ERG: variants seen among roughly 807,000 people sequenced by gnomAD.
ERG encodes transcriptional regulator ERG.
In ERG, 9 loss-of-function variants were observed where a neutral mutation model predicts 55.3. The ratio of observed to expected loss-of-function variants is 0.16; its 90% CI spans 0.10 to 0.28. The LOEUF is 0.28. Ranked by LOEUF, ERG falls within the 10% of genes least tolerant of loss-of-function variation. The pLI is 1.00. For missense variants in ERG, 434 were observed against 631.6 expected (o/e 0.69, Z 3.35); for synonymous variants, 223 against 237.3 (o/e 0.94, Z 0.55).
At chr21:38,423,608 A>G (rs938071073) in intron 2 of ERG, 47 bp from the exon 3 acceptor site, 4 of 1,560,794 alleles carry the variant, frequency 2.6e-6, no homozygotes, top group African/African-American at 2.7e-5. Flanking sequence ...ATCAAAGAGC[A>G]TGTCTCCATC....
chr21:38,657,999 C>T lies in ERG; in HGVS notation c.-150+3659G>A, dbSNP rs146816737. Among the ~76,000 whole-genome samples, 62 of 152,280 alleles carry T rather than the reference C, an allele frequency of 4.1e-4. 1 individual carries two copies. In the East Asian group the frequency reaches 0.012, roughly 29 times the overall value. On this transcript the variant is annotated intron_variant, in intron 1 of 10. Transcript: ENST00000398910. ...GATCTGAACGTCCCTGTTACATCAG[C>T]CTATTTTTCTTACAAATGTTGCTGC...
intron 1 of ERG, among the ~76,000 whole-genome samples, chr21:38,578,154 C>G (rs2060006379): frequency 1.3e-5 from 2 of 152,202 alleles, no homozygotes; most frequent in Admixed American, 6.5e-5. Flanking sequence ...TGACCACGGC[C>G]CCTGCCGACA....
upstream of ERG, chr21:38,661,766 C>T (rs1169926063): frequency 6.6e-6 from 1 of 152,226 alleles, no homozygotes; most frequent in African/African-American, 2.4e-5. Flanking sequence ...CTCCCCATTC[C>T]GACCAAGTGA....
At chr21:38,646,796 T>C (rs2060459595) in intron 1 of ERG, among the ~76,000 whole-genome samples, 1 of 135,190 alleles carries the variant, frequency 7.4e-6, no homozygotes, top group African/African-American at 3.9e-5. Context: ...TTTGTTGTTG[T>C]TGTTTGTTTT....
chr21:38,414,357 A>T (rs1483343821), intron 3 of ERG, among the ~76,000 whole-genome samples: 1 of 152,190 alleles, frequency 6.6e-6, no homozygotes. Flanking sequence ...TTTCCACATA[A>T]GGTCACATTC....
intron 1 of ERG, among the ~76,000 whole-genome samples, chr21:38,603,749 T>C (rs1181502062): frequency 1.3e-5 from 2 of 151,956 alleles, no homozygotes; most frequent in African/African-American, 2.4e-5. Context: ...CTTAGAAAAA[T>C]AGGAGGAAAG....
chr21:38,629,908 A>T (rs1028209163), intron 1 of ERG, among the ~76,000 whole-genome samples: 1 of 152,224 alleles, frequency 6.6e-6, no homozygotes, highest in Non-Finnish European at 1.5e-5. Flanking sequence ...ATACACGGGC[A>T]TATTACTCAG....
chr21:38,455,566 T>C (rs939662504), intron 1 of ERG, among the ~76,000 whole-genome samples: 23 of 152,266 alleles, frequency 1.5e-4, no homozygotes, highest in African/African-American at 4.6e-4. Context: ...AAAAATACAG[T>C]GTGCTACGCA....
downstream of ERG, among the ~76,000 whole-genome samples, chr21:38,379,406 T>C (rs931798567): frequency 6.6e-6 from 1 of 152,262 alleles, no homozygotes; most frequent in Non-Finnish European, 1.5e-5. Flanking sequence ...CAGATTGTTT[T>C]ATGAAGTCAT....
chr21:38,523,582 C>T (rs2059610039), intron 2 of ERG, among the ~76,000 whole-genome samples: 1 of 152,202 alleles, frequency 6.6e-6, no homozygotes, highest in East Asian at 1.9e-4. Flanking sequence ...TAAGCTCCCA[C>T]CCCTGATGAA....
At chr21:38,512,858 C>A (rs559366988) in intron 2 of ERG, among the ~76,000 whole-genome samples, 3 of 152,076 alleles carry the variant, frequency 2.0e-5, no homozygotes, top group Non-Finnish European at 4.4e-5. Flanking sequence ...ACGGGCCAGG[C>A]GCAGTGGCTC....
chr21:38,543,047 C>T (rs1036708326), intron 2 of ERG, among the ~76,000 whole-genome samples: 4 of 152,130 alleles, frequency 2.6e-5, no homozygotes, highest in African/African-American at 9.7e-5. Flanking sequence ...GGGTGGCCCA[C>T]CGGAGAGAAT....
At chr21:38,539,893 A>ATTTTTTTTTTT (rs11338575) in intron 2 of ERG, among the ~76,000 whole-genome samples, 1 of 118,996 alleles carries the variant, frequency 8.4e-6, no homozygotes, top group African/African-American at 3.3e-5. Flanking sequence ...CCAACACGTG[A>ATTTTTTTTTTT]TTTTTTTTTT....
chr21:38,526,786 TTAAAA>T (rs2059633266), intron 2 of ERG, among the ~76,000 whole-genome samples: 1 of 152,076 alleles, frequency 6.6e-6, no homozygotes, highest in Non-Finnish European at 1.5e-5. Flanking sequence ...ATGTTACCGT[TTAAAA>T]TAAAATGAAT....
chr21:38,430,201 C>G (rs11700491), intron 2 of ERG, among the ~76,000 whole-genome samples: 55,565 of 151,870 alleles, frequency 0.37, 10,781 homozygotes, highest in Middle Eastern at 0.46. Context: ...GTTTGTTGGC[C>G]ATTTGTATTT....
rs1987447601 is a variant in ERG, at chr21:38,381,772, A to C, written c.*1631T>G. ...TAGGCCTCTTTCCATTCCAGGCATAAATATGGAGGCTCCAATGTGAAACCC... is the reference window on the plus strand; with the variant it reads ...TAGGCCTCTTTCCATTCCAGGCATACATATGGAGGCTCCAATGTGAAACCC... On this transcript the variant is annotated 3_prime_UTR_variant, in exon 10 of 10. Coordinates refer to ENST00000288319, the MANE Select transcript of ERG (RefSeq NM_182918.4). The C allele has an allele frequency of 9.4e-7, 1 of 1,063,426 alleles. No homozygotes were observed. The highest frequency in any genetic ancestry group is 5.1e-5 in the East Asian group (1 of 19,756). The allele number at this position is 1,063,426 out of a possible 1,614,324, so 65.9% of individuals were successfully genotyped here. A position where few individuals can be genotyped will look rare whatever the true frequency, so the allele number is the denominator to read the frequency against.
intron 2 of ERG, among the ~76,000 whole-genome samples, chr21:38,439,702 G>A (rs1371210952): frequency 6.6e-6 from 1 of 152,202 alleles, no homozygotes; most frequent in Non-Finnish European, 1.5e-5. Context: ...CAGTTGGCTC[G>A]CAAAGCAGTG....
At chr21:38,500,253 C>T (rs557498315), upstream of ERG, among the ~76,000 whole-genome samples, 2 of 152,324 alleles carry the variant, frequency 1.3e-5, no homozygotes, top group Non-Finnish European at 2.9e-5. Context: ...ATAAGATGAA[C>T]GCTTTGCTAA....
intron 1 of ERG, among the ~76,000 whole-genome samples, chr21:38,452,954 T>C (rs1381754276): frequency 6.6e-6 from 1 of 152,236 alleles, no homozygotes; most frequent in Middle Eastern, 3.2e-3. Context: ...CTTGTTGGTG[T>C]TCATATTAGC....
Sources: gnomAD v4.1 joint callset for allele counts (sites outside exome capture counted in the v4.1 genomes callset) on GRCh38, gnomAD v4.1.1 for gene constraint, MANE v1.5 for transcripts, NCBI Gene and HGNC (gene_info 2026-07-23, HGNC 2026-07-21) for gene names.